ATP2B3: variants seen among roughly 807,000 people sequenced by gnomAD.
ATP2B3 encodes plasma membrane calcium-transporting ATPase 3.
ATP2B3 carries 12 observed loss-of-function variants against 70.8 expected under a neutral mutation model. The ratio of observed to expected loss-of-function variants is 0.17; its 90% CI spans 0.11 to 0.27. ATP2B3 has a LOEUF of 0.27. Among genes scored for constraint, ATP2B3 ranks in the 10% least tolerant of loss-of-function variants. The probability of loss-of-function intolerance (pLI) is 1.00; values close to 1 mark genes in which losing one functional copy is unlikely to be tolerated. For synonymous variants in ATP2B3, 460 were observed against 497.8 expected, an observed-to-expected ratio of 0.92 and a Z score of 1.01; for missense variants, 858 against 1,118.5, an observed-to-expected ratio of 0.77 and a Z score of 3.32.
intron 13 of ATP2B3, among the ~76,000 whole-genome samples, chrX:153,553,856 A>T (rs1438729880): frequency 3.5e-5 from 4 of 112,899 alleles, no homozygotes; most frequent in Non-Finnish European, 7.5e-5. Flanking sequence ...AGTGTGGAGG[A>T]TGGCCGGCCC....
At chrX:153,570,104 G>T in intron 21 of ATP2B3, 1 of 332,339 alleles carries the variant, frequency 3.0e-6, no homozygotes, top group Non-Finnish European at 5.2e-6. Context: ...GGGGTGTCTG[G>T]TGTCAGGCTA....
intron 2 of ATP2B3, among the ~76,000 whole-genome samples, chrX:153,523,757 G>A (rs1413540295): frequency 6.7e-5 from 6 of 90,072 alleles, no homozygotes; most frequent in African/African-American, 2.5e-4. Flanking sequence ...GTGCAGTGGC[G>A]CGATCTCAGC....
At chrX:153,527,104 A>G (rs1405194539) in intron 2 of ATP2B3, among the ~76,000 whole-genome samples, 1 of 112,391 alleles carries the variant, frequency 8.9e-6, no homozygotes, top group Non-Finnish European at 1.9e-5. Flanking sequence ...TTACCTATTT[A>G]GGCCCCGACG....
intron 20 of ATP2B3, among the ~76,000 whole-genome samples, chrX:153,564,118 C>T (rs73247605): frequency 0.064 from 7,133 of 112,273 alleles, 234 homozygotes; most frequent in African/African-American, 0.12. Flanking sequence ...TTGTCACCTC[C>T]CACCCTCTCT....
chrX:153,525,964 G>A (rs1161260031), intron 2 of ATP2B3, among the ~76,000 whole-genome samples: 15 of 113,340 alleles, frequency 1.3e-4, no homozygotes, highest in African/African-American at 4.5e-4. Flanking sequence ...TCGTGGCTGT[G>A]TCTGTAGGTG....
intron 21 of ATP2B3, among the ~76,000 whole-genome samples, chrX:153,578,033 A>G (rs1213392125): frequency 2.7e-5 from 3 of 112,369 alleles, no homozygotes; most frequent in Admixed American, 9.4e-5. Context: ...AGTCACCGAA[A>G]AAAGGTGATT....
intron 2 of ATP2B3, among the ~76,000 whole-genome samples, chrX:153,525,922 G>A (rs2090025039): frequency 8.8e-6 from 1 of 113,374 alleles, no homozygotes; most frequent in African/African-American, 3.2e-5. Context: ...CACTGCCCCA[G>A]ACGCCTGCCC....
At chrX:153,521,437 G>C (rs1268195590) in intron 2 of ATP2B3, among the ~76,000 whole-genome samples, 1 of 112,947 alleles carries the variant, frequency 8.9e-6, no homozygotes, top group African/African-American at 3.2e-5. Flanking sequence ...TCACATGGCT[G>C]AGTAGGTGGC....
chrX:153,529,476 G>A (rs1413546626), intron 2 of ATP2B3, among the ~76,000 whole-genome samples: 4 of 112,189 alleles, frequency 3.6e-5, no homozygotes, highest in Non-Finnish European at 7.5e-5. Context: ...GGGCACCACG[G>A]GAGGCCATTC....
chrX:153,560,690 G>C lies in ATP2B3; in HGVS notation c.2854G>C (p.Asp952His), dbSNP rs150508362. The C allele has an allele frequency of 5.0e-6, 6 of 1,210,234 alleles. No homozygotes were observed. The Admixed American group carries it at 1.3e-4, about 26-fold the overall frequency. ...TTGCTTTCCAGGGGAGCTCTTCTTCGACATCGACAGCGGGAGGAATGCGCC... is the reference window on the plus strand; with the variant it reads ...TTGCTTTCCAGGGGAGCTCTTCTTCCACATCGACAGCGGGAGGAATGCGCC... Reference protein sequence around the residue: ...TLLFVGELFFDIDSGRNAPLH... With the variant: ...TLLFVGELFFHIDSGRNAPLH... The change falls in exon 19 of 22, where the codon GAC becomes CAC. Residue 952 changes from aspartate (D) to histidine (H), a missense_variant. Transcript: ENST00000263519.
chrX:153,567,824 G>A (rs1369934281), intron 21 of ATP2B3, among the ~76,000 whole-genome samples: 1 of 112,260 alleles, frequency 8.9e-6, no homozygotes. Context: ...ATGGCTTTTC[G>A]CTTTGACTTT....
At position 153,541,818 on chromosome X, in the gene ATP2B3, C is replaced by A. The variant is rs782251509; in HGVS notation, c.556C>A (p.Gln186Lys). 8.3e-7 allele frequency: 1 copy of A among 1,211,667 alleles called. No homozygotes were observed. The change falls in exon 5 of 22, where the codon CAG (glutamine) becomes AAG (lysine). Residue 186 changes from glutamine to lysine, a missense_variant. Gln to Lys is a moderately conservative substitution (Grantham distance 53). Transcript: ENST00000263519. ...WSKEKQFRGL[Q>K]SRIEQEQKFT... ...CAAGGAGAAGCAGTTCCGAGGCCTG[C>A]AGAGCCGAATTGAGCAGGAGCAGAA... is the stretch of plus-strand genomic sequence containing the variant.
intron 16 of ATP2B3, 27 bp from the exon 17 acceptor site, chrX:153,558,085 G>C: frequency 8.4e-7 from 1 of 1,192,597 alleles, no homozygotes. Context: ...CAAACACTCT[G>C]TGTGAGTGTG....
chrX:153,564,230 T>C (rs376499403), intron 20 of ATP2B3, among the ~76,000 whole-genome samples: 2 of 112,322 alleles, frequency 1.8e-5, no homozygotes, highest in African/African-American at 3.2e-5. Context: ...CCCAGGGGAG[T>C]TGCGCAAACA....
chrX:153,549,885 G>A, intron 11 of ATP2B3, 146 bp downstream of exon 11: 1 of 1,071,329 alleles, frequency 9.3e-7, no homozygotes, highest in Non-Finnish European at 1.2e-6. Flanking sequence ...AGGTGGCTCT[G>A]GCTGGGAAAC....
chrX:153,571,426 C>A (rs1353291179), intron 21 of ATP2B3, among the ~76,000 whole-genome samples: 1 of 112,151 alleles, frequency 8.9e-6, no homozygotes, highest in Admixed American at 9.4e-5. Flanking sequence ...AAGGGGAAGG[C>A]AGCCACCACG....
chrX:153,545,955 G>C, intron 7 of ATP2B3, 133 bp from the exon 8 acceptor site: 1 of 634,271 alleles, frequency 1.6e-6, no homozygotes, highest in Non-Finnish European at 2.5e-6. Flanking sequence ...GGTGGTGACG[G>C]GGTGAGCCTG....
At chrX:153,547,744 G>A (rs782713089) in intron 8 of ATP2B3, 91 bp from the exon 9 acceptor site, 297 of 1,025,023 alleles carry the variant, frequency 2.9e-4, no homozygotes, top group Non-Finnish European at 3.5e-4. Flanking sequence ...CCTCTCTATG[G>A]TGTGGCATGT....
intron 7 of ATP2B3, among the ~76,000 whole-genome samples, chrX:153,545,099 G>A (rs1384312521): frequency 1.8e-5 from 2 of 112,839 alleles, no homozygotes; most frequent in South Asian, 3.6e-4. Context: ...GGTCGGGGGG[G>A]GGGCCCTCCC....
Sources: gnomAD v4.1 joint callset for allele counts (sites outside exome capture counted in the v4.1 genomes callset) on GRCh38, gnomAD v4.1.1 for gene constraint, MANE v1.5 for transcripts, NCBI Gene and HGNC (gene_info 2026-07-23, HGNC 2026-07-21) for gene names.